Variants in PPM1M observed in about 807,000 individuals in gnomAD.
The protein encoded by PPM1M is protein phosphatase 1M.
Under a neutral mutation model 50.8 loss-of-function variants are expected in PPM1M, and 44 were observed. That is an observed-to-expected ratio of 0.87 (90% CI 0.68 to 1.11). PPM1M has a LOEUF of 1.11. Among genes scored for constraint, PPM1M ranks in the 50% most tolerant of loss-of-function variants. The pLI is 0.00. For missense variants in PPM1M, 556 were observed against 593.4 expected (o/e 0.94, Z 0.66); for synonymous variants, 224 against 242.9 (o/e 0.92, Z 0.72).
chr3:52,247,306 C>T, intron 3 of PPM1M, 78 bp downstream of exon 3: 7 of 1,504,322 alleles, frequency 4.7e-6, no homozygotes, highest in Non-Finnish European at 5.4e-6. Flanking sequence ...CTCTGTATAC[C>T]CATGGTCATC....
Position 52,246,765 on chromosome 3 carries a change from T to G in PPM1M, c.295T>G (p.Cys99Gly). The G allele has an allele frequency of 7.4e-7, 1 of 1,344,684 alleles. No homozygotes were observed. Among genetic ancestry groups the G allele is most frequent in the Non-Finnish European group, 9.8e-7 (1 of 1,015,786 alleles). 83.3% of individuals were successfully genotyped at this position (1,344,684 alleles called of 1,614,324 possible). A position where few individuals can be genotyped will look rare whatever the true frequency, so the allele number is the denominator to read the frequency against. The change falls in exon 2 of 10, where the codon TGT (cysteine) becomes GGT (glycine). Residue 99 changes from cysteine (C) to glycine (G), a missense_variant. By Grantham distance (159) the Cys-to-Gly change is radical. Transcript: ENST00000323588. ...AACGKLCIRR[C>G]EFGAEEEWLT... The stretch of plus-strand genomic sequence containing the variant: ...CTGTGGGAAGCTGTGCATCCGGAGA[T>G]GTGAGTTTGGGGCTGAAGAAGAGTG...
chr3:52,248,712 G>C lies in PPM1M; in HGVS notation c.978+12G>C, dbSNP rs764124601. ...GACAGGGTAGGCAGGTCAGTGCCTGGTCCTCCTCAACCCCAAGAATCCCTC... is the reference window on the plus strand; with the variant it reads ...GACAGGGTAGGCAGGTCAGTGCCTGCTCCTCCTCAACCCCAAGAATCCCTC... On this transcript the variant is annotated intron_variant, in intron 7 of 9. Transcript: ENST00000323588. 1 of 1,612,730 alleles carries C rather than the reference G, an allele frequency of 6.2e-7. No individual in the cohort carries two copies. The highest frequency in any genetic ancestry group is 8.5e-7 in the Non-Finnish European group (1 of 1,178,762).
rs775578910 is a variant in PPM1M, at chr3:52,249,668, A to G, written c.1236-2A>G. On this transcript the variant is annotated splice_acceptor_variant, in intron 9 of 9. Transcript: ENST00000323588. LOFTEE classifies it high-confidence loss of function. ...AGTCTATCTGCAGGATGGTCTTCAC[A>G]GGTTCTCAAAGCTGGCCCAGATGCT... is the stretch of plus-strand genomic sequence containing the variant. 1.2e-6 allele frequency: 2 copies of G among 1,613,710 alleles called. No individual in the cohort carries two copies. The highest frequency in any genetic ancestry group is 1.6e-4 in the Middle Eastern group (1 of 6,062).
chr3:52,245,860 TG>T lies in PPM1M; in HGVS notation c.40del (p.Glu14SerfsTer95). On this transcript the variant is annotated frameshift_variant, in exon 1 of 10. Transcript: ENST00000323588. LOFTEE classifies it high-confidence loss of function. The surrounding 1 kb of genome is among the most constrained non-coding windows in gnomAD (Gnocchi z 4.8). ...AGWFRRRFLPGEPLPAPRPPG... is the reference protein window; with the variant it reads ...AGWFRRRFLPXEPLPAPRPPG... Reference sequence around the variant, plus strand: ...GCTGGTTCCGGCGCCGCTTCCTGCCTGGGGAGCCGCTCCCCGCGCCGCGGCC... The same window carrying T: ...GCTGGTTCCGGCGCCGCTTCCTGCCTGGGAGCCGCTCCCCGCGCCGCGGCC... 3 of 1,091,892 alleles carry T rather than the reference TG, an allele frequency of 2.7e-6. No individual in the cohort carries two copies. Among genetic ancestry groups the T allele is most frequent in the South Asian group, 4.5e-5 (2 of 44,800 alleles). The allele number at this position is 1,091,892 out of a possible 1,614,324, so 67.6% of individuals were successfully genotyped here.
rs1350412247 is a variant in PPM1M at position 52,248,405 on chromosome 3, A to G, written c.866A>G (p.Asp289Gly). Reference sequence around the variant, plus strand: ...GAGTTCCCTCGGCGGCTGAAGGGGGATGACTTGGGACAGAAGGTTTTGTTC... The same window carrying G: ...GAGTTCCCTCGGCGGCTGAAGGGGGGTGACTTGGGACAGAAGGTTTTGTTC... ...RLEFPRRLKG[D>G]DLGQKVLFRD... Residue 289 changes from aspartate to glycine, a missense_variant, in exon 6 of 10, where the codon GAT (aspartate) becomes GGT (glycine). Transcript: ENST00000323588. 1.2e-6 allele frequency: 2 copies of G among 1,613,346 alleles called. No homozygotes were observed. The highest frequency in any genetic ancestry group is 3.3e-5 in the Admixed American group (2 of 59,926).
At chr3:52,248,314 A>C in intron 5 of PPM1M, 21 bp from the exon 6 acceptor site, 1 of 1,606,432 alleles carries the variant, frequency 6.2e-7, no homozygotes, top group Non-Finnish European at 8.5e-7. Flanking sequence ...GTATGACCTG[A>C]GCGCAGCCTC....
chr3:52,248,268 A>G, intron 5 of PPM1M, 31 bp downstream of exon 5: 1 of 1,609,324 alleles, frequency 6.2e-7, no homozygotes, highest in Non-Finnish European at 8.5e-7. Context: ...GGAGGCTGTG[A>G]AGCTCCAACT....
Position 52,249,985 on chromosome 3 carries a change from T to G in PPM1M, c.*171T>G, listed in dbSNP as rs1699936363. 4.7e-6 allele frequency: 3 copies of G among 640,288 alleles called. No homozygotes were observed. Among genetic ancestry groups the G allele is most frequent in the South Asian group, 2.0e-5 (1 of 51,060 alleles). 39.7% of individuals were successfully genotyped at this position (640,288 alleles called of 1,614,324 possible). On this transcript the variant is annotated 3_prime_UTR_variant, in exon 10 of 10. Coordinates refer to ENST00000323588, the MANE Select transcript of PPM1M (RefSeq NM_144641.4). The stretch of plus-strand genomic sequence containing the variant: ...CAAGAGGAACATTTATACCAGGCAG[T>G]CAGAGCTGGAAGTGTATGGAGAGCC...
chr3:52,247,203 C>T lies in PPM1M; in HGVS notation c.572C>T (p.Ala191Val). ...GIRAEDLVIG[A>V]LESAFQECDE... ...AGGGCAGAAGACTTGGTGATCGGGGCATTGGAGAGTGCCTTTCAGGAATGT... is the reference window on the plus strand; with the variant it reads ...AGGGCAGAAGACTTGGTGATCGGGGTATTGGAGAGTGCCTTTCAGGAATGT... The change falls in exon 3 of 10, where the codon GCA (alanine) becomes GTA (valine). Residue 191 changes from alanine (A) to valine (V), a missense_variant. By Grantham distance (64) the Ala-to-Val change is moderately conservative (BLOSUM62 0). Transcript: ENST00000323588. 2 of 1,613,164 alleles carry T rather than the reference C, an allele frequency of 1.2e-6. No individual in the cohort carries two copies. The highest frequency in any genetic ancestry group is 1.7e-6 in the Non-Finnish European group (2 of 1,179,558).
At chr3:52,246,285 G>C in intron 1 of PPM1M, 1 of 1,034,412 alleles carries the variant, frequency 9.7e-7, no homozygotes, top group Non-Finnish European at 1.2e-6. Flanking sequence ...CTGCAGCCCA[G>C]GGGCTTCCAA....
chr3:52,247,476 A>C, intron 3 of PPM1M: 1 of 674,690 alleles, frequency 1.5e-6, no homozygotes, highest in Non-Finnish European at 2.5e-6. Flanking sequence ...TCCTTGGTGC[A>C]GGGGCTGGTT....
At chr3:52,247,507 C>T in intron 3 of PPM1M, 175 bp from the exon 4 acceptor site, 1 of 658,604 alleles carries the variant, frequency 1.5e-6, no homozygotes, top group Non-Finnish European at 2.6e-6. Flanking sequence ...TTTTGAGTAG[C>T]ACTTCCCTTG....
chr3:52,248,251 G>A lies in PPM1M; in HGVS notation c.795+14G>A, dbSNP rs1699896619. On this transcript the variant is annotated intron_variant, in intron 5 of 9. Transcript: ENST00000323588. ...ATCCAGCAGCTGGTAGGTGCCCTTGGCAGCATGGAGGCTGTGAAGCTCCAA... is the reference window on the plus strand; with the variant it reads ...ATCCAGCAGCTGGTAGGTGCCCTTGACAGCATGGAGGCTGTGAAGCTCCAA... 1 of 1,611,814 alleles carries A rather than the reference G, an allele frequency of 6.2e-7. No individual in the cohort carries two copies. The highest frequency in any genetic ancestry group is 8.5e-7 in the Non-Finnish European group (1 of 1,178,890).
In PPM1M at chr3:52,246,955, CTG is replaced by C. The variant is rs1270831650; in HGVS notation, c.343-18_343-17del. The C allele has an allele frequency of 4.6e-6, 7 of 1,530,580 alleles. No homozygotes were observed. Among genetic ancestry groups the C allele is most frequent in the Admixed American group, 2.0e-5 (1 of 50,258 alleles). 94.8% of individuals were successfully genotyped at this position (1,530,580 alleles called of 1,614,324 possible). On this transcript the variant is annotated splice_polypyrimidine_tract_variant and intron_variant, in intron 2 of 9. Transcript: ENST00000323588. ...TGGGGAAGTCAGGCAGAGGCTGACA[CTG>C]AGCCCTTCCTGTGCAGTTCCTGACA...
chr3:52,245,989 CCGGCCCGTGCGCAGCCCCGCACGAGGA>C lies in PPM1M; in HGVS notation c.168_194del (p.Pro57_Arg65del), dbSNP rs1390508299. On this transcript the variant is annotated inframe_deletion, in exon 1 of 10. Coordinates refer to ENST00000323588, the MANE Select transcript of PPM1M (RefSeq NM_144641.4). This position sits in a 1 kb window ranked among gnomAD's most constrained non-coding sequence, Gnocchi z 4.8. ...CCGACGCCTCGCGCCGCCCAGACTC[CCGGCCCGTGCGCAGCCCCGCACGAGGA>C]CGCACGCTACCCTGGAATGCAGGCT... 5 of 1,244,850 alleles carry C rather than the reference CCGGCCCGTGCGCAGCCCCGCACGAGGA, an allele frequency of 4.0e-6. No homozygotes were observed. Among genetic ancestry groups the C allele is most frequent in the African/African-American group, 1.6e-5 (1 of 61,446 alleles). 77.1% of individuals were successfully genotyped at this position (1,244,850 alleles called of 1,614,324 possible).
chr3:52,249,992 T>A lies in PPM1M; in HGVS notation c.*178T>A. The A allele has an allele frequency of 3.3e-6, 2 of 611,560 alleles. No individual in the cohort carries two copies. The highest frequency in any genetic ancestry group is 5.7e-6 in the Non-Finnish European group (2 of 348,762). 37.9% of individuals were successfully genotyped at this position (611,560 alleles called of 1,614,324 possible). On this transcript the variant is annotated 3_prime_UTR_variant, in exon 10 of 10. Transcript: ENST00000323588. ...AACATTTATACCAGGCAGTCAGAGCTGGAAGTGTATGGAGAGCCCAGCCCA... is the reference window on the plus strand; with the variant it reads ...AACATTTATACCAGGCAGTCAGAGCAGGAAGTGTATGGAGAGCCCAGCCCA...
At position 52,246,760 on chromosome 3, in the gene PPM1M, G is replaced by A. The variant is rs946613381; in HGVS notation, c.290G>A (p.Arg97Gln). Residue 97 changes from arginine (R) to glutamine (Q), a missense_variant, in exon 2 of 10, where the codon CGG becomes CAG. By Grantham distance (43) the Arg-to-Gln change is conservative. Transcript: ENST00000323588. The stretch of plus-strand genomic sequence containing the variant: ...GCCGCCTGTGGGAAGCTGTGCATCC[G>A]GAGATGTGAGTTTGGGGCTGAAGAA... ...DQAACGKLCIRRCEFGAEEEW... is the reference protein window; with the variant it reads ...DQAACGKLCIQRCEFGAEEEW... 10 of 1,340,382 alleles carry A rather than the reference G, an allele frequency of 7.5e-6. No homozygotes were observed. Among genetic ancestry groups the A allele is most frequent in the Admixed American group, 6.7e-5 (3 of 44,542 alleles). The allele number at this position is 1,340,382 out of a possible 1,614,324, so 83.0% of individuals were successfully genotyped here.
Position 52,248,644 on chromosome 3 carries a change from A to C in PPM1M, c.922A>C (p.Lys308Gln). 2 of 1,613,908 alleles carry C rather than the reference A, an allele frequency of 1.2e-6. No homozygotes were observed. Among genetic ancestry groups the C allele is most frequent in the Non-Finnish European group, 1.7e-6 (2 of 1,179,856 alleles). The change falls in exon 7 of 10, where the codon AAA (lysine) becomes CAA (glutamine). Residue 308 changes from lysine (K) to glutamine (Q), a missense_variant. Physicochemically the swap from Lys to Gln is moderately conservative, Grantham distance 53. Transcript: ENST00000323588. ...RDHHMSGWSY[K>Q]RVEKSDLKYP... is the part of the protein sequence containing the mutation. ...TGGCTCTGCTCCTGGTAGGAGCTAC[A>C]AACGTGTGGAGAAATCGGATCTCAA...
chr3:52,246,924 G>C, intron 2 of PPM1M, 50 bp from the exon 3 acceptor site: 2 of 1,522,742 alleles, frequency 1.3e-6, no homozygotes, highest in Non-Finnish European at 8.8e-7. Context: ...TGCGTCAGGG[G>C]ACAAGTGGGG....
Sources: gnomAD v4.1 joint callset for allele counts on GRCh38, gnomAD v4.1.1 for gene constraint, Gnocchi (gnomAD v3.1) non-coding constraint, MANE v1.5 for transcripts, NCBI Gene and HGNC (gene_info 2026-07-23, HGNC 2026-07-21) for gene names.